The following PAPOLA variants were observed in gnomAD, a reference collection of about 807,000 sequenced individuals.
PAPOLA encodes the protein polynucleotide adenylyltransferase alpha.
In PAPOLA, 15 loss-of-function variants were observed where a neutral mutation model predicts 100.6. The observed-to-expected ratio is 0.15, with a 90% CI of 0.10 to 0.23. PAPOLA has a LOEUF of 0.23. Among genes scored for constraint, PAPOLA ranks in the 10% least tolerant of loss-of-function variants. The pLI, the probability that PAPOLA is intolerant of heterozygous loss-of-function variation, is 1.00. For synonymous variants in PAPOLA, 293 were observed against 300.0 expected (o/e 0.98, Z 0.24); for missense variants, 533 against 884.2 (o/e 0.60, Z 5.04).
At chr14:96,533,859 A>ATTTC in intron 9 of PAPOLA, 1 of 985,074 alleles carries the variant, frequency 1.0e-6, no homozygotes, top group Non-Finnish European at 1.2e-6. Context: ...GGCTGTCAGA[A>ATTTC]TTTCTTTTAA....
Position 96,531,945 on chromosome 14 carries a change from T to C in PAPOLA, c.607+359T>C, listed in dbSNP as rs995163863. 8.6e-6 allele frequency: 11 copies of C among 1,273,408 alleles called. No homozygotes were observed. In the Admixed American group the frequency reaches 1.6e-4, roughly 18 times the overall value. The allele number at this position is 1,273,408 out of a possible 1,614,324, so 78.9% of individuals were successfully genotyped here. A position where few individuals can be genotyped will look rare whatever the true frequency, so the allele number is the denominator to read the frequency against. On this transcript the variant is annotated intron_variant, in intron 7 of 21. Coordinates refer to ENST00000216277, the MANE Select transcript of PAPOLA (RefSeq NM_032632.5). The stretch of plus-strand genomic sequence containing the variant: ...ATTGCTGAGATCAGAAGGACTACTT[T>C]GGTACAATTTTATATTAGCATAGCT...
chr14:96,520,100 G>A lies in PAPOLA; in HGVS notation c.54G>A (p.Lys18=). 1 of 1,613,794 alleles carries A rather than the reference G, an allele frequency of 6.2e-7. No homozygotes were observed. Among genetic ancestry groups the A allele is most frequent in the Non-Finnish European group, 8.5e-7 (1 of 1,179,776 alleles). ...CACAACAAACACAACCGCCACAGAA[G>A]CACTATGGCATTACTTCTCCTATCA... The part of the protein sequence containing the change: ...QGSQQTQPPQ[K]HYGITSPISL... Residue 18 remains lysine, a synonymous_variant, in exon 2 of 22, where the codon AAG becomes AAA. Coordinates refer to ENST00000216277, the MANE Select transcript of PAPOLA (RefSeq NM_032632.5).
intron 1 of PAPOLA, among the ~76,000 whole-genome samples, chr14:96,505,830 A>G (rs1467852313): frequency 6.6e-6 from 1 of 152,204 alleles, no homozygotes; most frequent in Non-Finnish European, 1.5e-5. Flanking sequence ...TATCCATCAT[A>G]GGAACAATCA....
At chr14:96,541,168 G>A (rs184989287) in intron 12 of PAPOLA, among the ~76,000 whole-genome samples, 6 of 152,278 alleles carry the variant, frequency 3.9e-5, no homozygotes, top group Admixed American at 2.0e-4. Context: ...GATTACAGGC[G>A]TGAGCCACCA....
intron 1 of PAPOLA, among the ~76,000 whole-genome samples, chr14:96,513,243 A>G (rs1897226062): frequency 6.6e-6 from 1 of 151,706 alleles, no homozygotes; most frequent in Non-Finnish European, 1.5e-5. Context: ...TAATTTTTAA[A>G]CTTTTTGTAC....
At chr14:96,529,654 G>A (rs978899714) in intron 6 of PAPOLA, among the ~76,000 whole-genome samples, 41 of 152,024 alleles carry the variant, frequency 2.7e-4, no homozygotes, top group African/African-American at 7.5e-4. Flanking sequence ...CCCGGGAAGT[G>A]GAGGTTGCAG....
At chr14:96,527,917 T>C in intron 5 of PAPOLA, 36 bp from the exon 6 acceptor site, 2 of 1,488,982 alleles carry the variant, frequency 1.3e-6, no homozygotes, top group Admixed American at 1.7e-5. Flanking sequence ...TAAAATGTAG[T>C]TTCAGAGACC....
intron 3 of PAPOLA, among the ~76,000 whole-genome samples, chr14:96,524,659 T>C (rs368503055): frequency 6.6e-6 from 1 of 152,170 alleles, no homozygotes; most frequent in East Asian, 1.9e-4. Context: ...TAGCTGGGAC[T>C]ATATGTGCAT....
chr14:96,551,578 G>A (rs930187531), intron 16 of PAPOLA, among the ~76,000 whole-genome samples: 9 of 152,208 alleles, frequency 5.9e-5, no homozygotes, highest in Non-Finnish European at 8.8e-5. Context: ...ACATGTATAA[G>A]GAATGTATTT....
intron 1 of PAPOLA, among the ~76,000 whole-genome samples, chr14:96,506,320 A>G (rs1251420058): frequency 6.6e-6 from 1 of 152,192 alleles, no homozygotes; most frequent in African/African-American, 2.4e-5. Context: ...TACTGTGACC[A>G]CGGAAAGTAC....
At chr14:96,562,425 A>AG in intron 20 of PAPOLA, 1 of 146,126 alleles carries the variant, frequency 6.8e-6, no homozygotes, top group Non-Finnish European at 1.5e-5. Flanking sequence ...GTATTGAATA[A>AG]GTTTTTTTTT....
At chr14:96,531,401 T>A (rs1899005260) in intron 6 of PAPOLA, 74 bp from the exon 7 acceptor site, 1 of 1,180,884 alleles carries the variant, frequency 8.5e-7, no homozygotes, top group African/African-American at 1.5e-5. Context: ...GGATTTTTTG[T>A]TTGTTTGTTT....
At chr14:96,518,760 A>T (rs1195076941) in intron 1 of PAPOLA, among the ~76,000 whole-genome samples, 1 of 151,934 alleles carries the variant, frequency 6.6e-6, no homozygotes, top group African/African-American at 2.4e-5. Flanking sequence ...GAACTTGGTA[A>T]AAAAAAGTAG....
intron 19 of PAPOLA, among the ~76,000 whole-genome samples, chr14:96,558,812 C>A (rs1280862697): frequency 6.6e-6 from 1 of 152,028 alleles, no homozygotes; most frequent in Non-Finnish European, 1.5e-5. Flanking sequence ...AGCCTACTCA[C>A]AAAAATTAAC....
intron 12 of PAPOLA, among the ~76,000 whole-genome samples, chr14:96,540,991 G>A (rs575866647): frequency 1.3e-5 from 2 of 152,308 alleles, no homozygotes; most frequent in East Asian, 3.9e-4. Flanking sequence ...CTGGGTTCAT[G>A]CCATTCTCCT....
At chr14:96,503,597 G>T (rs767454322) in intron 1 of PAPOLA, among the ~76,000 whole-genome samples, 2 of 151,850 alleles carry the variant, frequency 1.3e-5, no homozygotes, top group Non-Finnish European at 2.9e-5. Flanking sequence ...ATATTGAAGC[G>T]TAAGAGTGCC....
In PAPOLA at chr14:96,544,116, C is replaced by T. The variant is rs762578590; in HGVS notation, c.1290-33C>T. 2.7e-5 allele frequency: 30 copies of T among 1,108,402 alleles called. No homozygotes were observed. The South Asian group carries it at 3.4e-4, about 12-fold the overall frequency. 68.7% of individuals were successfully genotyped at this position (1,108,402 alleles called of 1,614,324 possible). A position where few individuals can be genotyped will look rare whatever the true frequency, so the allele number is the denominator to read the frequency against. ...ACTGATAGCTACATTTTCATGAAAT[C>T]CAGATAAACTATGGTAATGCTCTTC... On this transcript the variant is annotated intron_variant, in intron 14 of 21. Coordinates refer to ENST00000216277, the MANE Select transcript of PAPOLA (RefSeq NM_032632.5).
At chr14:96,535,262 A>C in intron 10 of PAPOLA, 5 of 943,146 alleles carry the variant, frequency 5.3e-6, no homozygotes, top group Non-Finnish European at 6.3e-6. Flanking sequence ...AATTACATCA[A>C]GCTATGCATT....
At chr14:96,544,110 T>C in intron 14 of PAPOLA, 39 bp from the exon 15 acceptor site, 1 of 1,077,600 alleles carries the variant, frequency 9.3e-7, no homozygotes, top group Non-Finnish European at 1.4e-6. Flanking sequence ...TACATTTTCA[T>C]GAAATCCAGA....
Sources: gnomAD v4.1 joint callset for allele counts (sites outside exome capture counted in the v4.1 genomes callset) on GRCh38, gnomAD v4.1.1 for gene constraint, MANE v1.5 for transcripts, NCBI Gene and HGNC (gene_info 2026-07-23, HGNC 2026-07-21) for gene names.